The following ZNF354B variants were observed in gnomAD, a reference collection of about 807,000 sequenced individuals.
The protein encoded by ZNF354B is zinc finger protein 354B.
ZNF354B carries 10 observed loss-of-function variants against 12.9 expected under a neutral mutation model. The observed-to-expected ratio is 0.77, with a 90% CI of 0.48 to 1.31. The LOEUF (loss-of-function observed/expected upper bound fraction) is 1.31. Among genes scored for constraint, ZNF354B ranks in the 40% most tolerant of loss-of-function variants. The probability of loss-of-function intolerance (pLI) is 0.00; values close to 1 mark genes in which losing one functional copy is unlikely to be tolerated. For synonymous variants in ZNF354B, 260 were observed against 243.7 expected, an observed-to-expected ratio of 1.07 and a Z score of -0.62; for missense variants, 614 against 711.7, an observed-to-expected ratio of 0.86 and a Z score of 1.56.
intron 4 of ZNF354B, among the ~76,000 whole-genome samples, chr5:178,867,970 G>A (rs1051458706): frequency 2.0e-5 from 3 of 152,232 alleles, no homozygotes; most frequent in Non-Finnish European, 4.4e-5. Context: ...CTAGAGGCAG[G>A]AAGCCTTGCA....
At chr5:178,873,031 G>A (rs1035063940) in intron 4 of ZNF354B, among the ~76,000 whole-genome samples, 3 of 152,162 alleles carry the variant, frequency 2.0e-5, no homozygotes, top group South Asian at 2.1e-4. Flanking sequence ...CAAGTGATTC[G>A]CCTACCTCGG....
chr5:178,876,534 T>C (rs1757641787), intron 4 of ZNF354B, among the ~76,000 whole-genome samples: 1 of 152,246 alleles, frequency 6.6e-6, no homozygotes, highest in Non-Finnish European at 1.5e-5. Context: ...TCGGCCTGCT[T>C]GATGGCATCC....
chr5:178,880,502 CTTT>C (rs567348591), intron 4 of ZNF354B, among the ~76,000 whole-genome samples: 3 of 138,496 alleles, frequency 2.2e-5, no homozygotes, highest in Non-Finnish European at 1.6e-5. Context: ...CCGGCCTCCT[CTTT>C]TTTTTTTTTT....
At chr5:178,873,613 G>A (rs1757594050) in intron 4 of ZNF354B, among the ~76,000 whole-genome samples, 2 of 152,060 alleles carry the variant, frequency 1.3e-5, no homozygotes, top group African/African-American at 4.8e-5. Flanking sequence ...TTTCTTTTCT[G>A]TTCCATTGTT....
chr5:178,866,841 T>G, intron 3 of ZNF354B, 135 bp from the exon 4 acceptor site: 2 of 771,926 alleles, frequency 2.6e-6, no homozygotes, highest in Non-Finnish European at 4.1e-6. Flanking sequence ...TAGATGCCAG[T>G]TTATAAGTTT....
Position 178,884,519 on chromosome 5 carries a change from G to T in ZNF354B, c.*228G>T, listed in dbSNP as rs554613721. On this transcript the variant is annotated 3_prime_UTR_variant, in exon 5 of 5. Transcript: ENST00000322434. ...AAATTGGCCATTTGTAAGATAAAAGGTATGTTTATAAAATCTCTTTATATA... is the reference window on the plus strand; with the variant it reads ...AAATTGGCCATTTGTAAGATAAAAGTTATGTTTATAAAATCTCTTTATATA... The T allele has an allele frequency of 7.3e-6, 3 of 412,488 alleles. No individual in the cohort carries two copies. Among genetic ancestry groups the T allele is most frequent in the African/African-American group, 6.2e-5 (3 of 48,780 alleles). 25.6% of individuals were successfully genotyped at this position (412,488 alleles called of 1,614,324 possible).
intron 4 of ZNF354B, among the ~76,000 whole-genome samples, chr5:178,871,208 C>T (rs1054486168): frequency 6.6e-6 from 1 of 152,206 alleles, no homozygotes; most frequent in Non-Finnish European, 1.5e-5. Flanking sequence ...GCCCTGGCTA[C>T]CTCTTCACCC....
In ZNF354B at chr5:178,882,705, T is replaced by G. The variant is rs1312771140; in HGVS notation, c.257-4T>G. The G allele has an allele frequency of 5.8e-6, 9 of 1,542,000 alleles. No homozygotes were observed. Among genetic ancestry groups the G allele is most frequent in the Non-Finnish European group, 6.9e-6 (8 of 1,154,714 alleles). ...GCTGTTGCTTTCTTTTTTTCTTTTT[T>G]CAGGATGTAAGAGCACACCTAAAAT... On this transcript the variant is annotated splice_region_variant and splice_polypyrimidine_tract_variant and intron_variant, in intron 4 of 4. Coordinates refer to ENST00000322434, the MANE Select transcript of ZNF354B (RefSeq NM_058230.3).
At position 178,883,055 on chromosome 5, in the gene ZNF354B, A is replaced by G; in HGVS notation, c.603A>G (p.Leu201=). 6.2e-7 allele frequency: 1 copy of G among 1,604,782 alleles called. No individual in the cohort carries two copies. Among genetic ancestry groups the G allele is most frequent in the African/African-American group, 1.3e-5 (1 of 74,382 alleles). ...QRNSFKQNSN[L]LNQSKIKTAE... is the part of the protein sequence containing the mutation. ...ATAGTTTCAAGCAGAATTCAAATTT[A>G]CTTAACCAATCAAAAATCAAAACAG... Residue 201 remains leucine, a synonymous_variant, in exon 5 of 5, where the codon TTA becomes TTG. Transcript: ENST00000322434.
chr5:178,884,687 CAATT>C lies in ZNF354B; in HGVS notation c.*397_*400del, dbSNP rs1051766082. The C allele has an allele frequency of 1.9e-5, 3 of 156,726 alleles. No homozygotes were observed. The highest frequency in any genetic ancestry group is 4.8e-5 in the African/African-American group (2 of 41,498). 9.7% of individuals were successfully genotyped at this position (156,726 alleles called of 1,614,324 possible). A position where few individuals can be genotyped will look rare whatever the true frequency, so the allele number is the denominator to read the frequency against. On this transcript the variant is annotated 3_prime_UTR_variant, in exon 5 of 5. Coordinates refer to ENST00000322434, the MANE Select transcript of ZNF354B (RefSeq NM_058230.3). The stretch of plus-strand genomic sequence containing the variant: ...GCAAACATTTTAATAGCAAACAAAA[CAATT>C]GATCTTAAAAATATATGCAATATAT...
At chr5:178,865,272 T>G (rs1022658886) in intron 2 of ZNF354B, among the ~76,000 whole-genome samples, 4 of 152,072 alleles carry the variant, frequency 2.6e-5, no homozygotes, top group Admixed American at 2.6e-4. Flanking sequence ...TAGACGAATT[T>G]TTTTTTTCTT....
rs1208941831 is a variant in ZNF354B at position 178,868,769 on chromosome 5, G to A, written c.256+1698G>A. 4.6e-5 allele frequency among the ~76,000 whole-genome samples: 7 copies of A among 152,048 alleles called. No individual in the cohort carries two copies. In the East Asian group the frequency reaches 5.8e-4, roughly 13 times the overall value. Reference sequence around the variant, plus strand: ...GGGCAGATCACGAGGTCAGGAGATCGAGACCATCCTGGCTAACATGGTGAA... The same window carrying A: ...GGGCAGATCACGAGGTCAGGAGATCAAGACCATCCTGGCTAACATGGTGAA... On this transcript the variant is annotated intron_variant, in intron 4 of 4. Transcript: ENST00000322434.
intron 4 of ZNF354B, among the ~76,000 whole-genome samples, chr5:178,868,157 C>T (rs1561667117): frequency 6.6e-6 from 1 of 151,242 alleles, no homozygotes; most frequent in Non-Finnish European, 1.5e-5. Flanking sequence ...CCCTGGTGGG[C>T]AGGTGTGTAA....
chr5:178,877,916 T>A (rs1169480761), intron 4 of ZNF354B, among the ~76,000 whole-genome samples: 1 of 152,230 alleles, frequency 6.6e-6, no homozygotes, highest in Non-Finnish European at 1.5e-5. Flanking sequence ...CCTTGGTGCT[T>A]CCTACTCTAC....
chr5:178,880,395 T>A (rs1757700253), intron 4 of ZNF354B, among the ~76,000 whole-genome samples: 1 of 151,718 alleles, frequency 6.6e-6, no homozygotes, highest in South Asian at 2.1e-4. Context: ...AGATGGGGTT[T>A]CACTGTGTTG....
intron 2 of ZNF354B, among the ~76,000 whole-genome samples, chr5:178,865,420 A>G (rs1384315712): frequency 6.6e-6 from 1 of 152,014 alleles, no homozygotes; most frequent in African/African-American, 2.4e-5. Flanking sequence ...GGTGCATACC[A>G]CCATGCCTGG....
rs1007090012 is a variant in ZNF354B, at chr5:178,883,050, A to G, written c.598A>G (p.Asn200Asp). The change falls in exon 5 of 5, where the codon AAT becomes GAT. Residue 200 changes from asparagine to aspartate, a missense_variant. Coordinates refer to ENST00000322434, the MANE Select transcript of ZNF354B (RefSeq NM_058230.3). ...AAGAAATAGTTTCAAGCAGAATTCAAATTTACTTAACCAATCAAAAATCAA... is the reference window on the plus strand; with the variant it reads ...AAGAAATAGTTTCAAGCAGAATTCAGATTTACTTAACCAATCAAAAATCAA... ...IQRNSFKQNS[N>D]LLNQSKIKTA... The G allele has an allele frequency of 6.2e-7, 1 of 1,605,500 alleles. No individual in the cohort carries two copies. The highest frequency in any genetic ancestry group is 1.3e-5 in the African/African-American group (1 of 74,424).
chr5:178,883,146 CA>C lies in ZNF354B; in HGVS notation c.695del (p.His232LeufsTer17). On this transcript the variant is annotated frameshift_variant, in exon 5 of 5. Coordinates refer to ENST00000322434, the MANE Select transcript of ZNF354B (RefSeq NM_058230.3). LOFTEE classifies it low-confidence loss of function (END_TRUNC). ...CATTCACAATTCATCCCTTCGTAAA[CA>C]TCAGAAAAACCACACTGGAGAAAAA... Reference protein sequence around the residue: ...AFIHNSSLRKHQKNHTGEKLF... With the variant: ...AFIHNSSLRKXQKNHTGEKLF... The C allele has an allele frequency of 6.2e-7, 1 of 1,613,416 alleles. No homozygotes were observed. Among genetic ancestry groups the C allele is most frequent in the Non-Finnish European group, 8.5e-7 (1 of 1,179,854 alleles).
intron 4 of ZNF354B, among the ~76,000 whole-genome samples, chr5:178,876,796 A>G (rs920163994): frequency 6.6e-6 from 1 of 151,426 alleles, no homozygotes; most frequent in East Asian, 1.9e-4. Context: ...AGTCATTCAT[A>G]TTTCCCTCTA....
Sources: gnomAD v4.1 joint callset for allele counts (sites outside exome capture counted in the v4.1 genomes callset) on GRCh38, gnomAD v4.1.1 for gene constraint, MANE v1.5 for transcripts, NCBI Gene and HGNC (gene_info 2026-07-23, HGNC 2026-07-21) for gene names.